Variants in ASPH observed in about 807,000 individuals in gnomAD.
The protein encoded by ASPH is aspartate beta-hydroxylase, also known as aspartyl/asparaginyl beta-hydroxylase.
Under a neutral mutation model 118.4 loss-of-function variants are expected in ASPH, and 100 were observed. The observed-to-expected ratio is 0.84, with a 90% confidence interval of 0.72 to 1.00. ASPH has a LOEUF of 1.00. Among genes scored for constraint, ASPH ranks in the 50% least tolerant of loss-of-function variants. The probability of loss-of-function intolerance (pLI) is 0.00; values close to 1 mark genes in which losing one functional copy is unlikely to be tolerated. For synonymous variants in ASPH, 315 were observed against 325.6 expected (o/e 0.97, Z 0.35); for missense variants, 920 against 919.5 (o/e 1.00, Z -0.01).
At chr8:61,645,044 G>A (rs1380213601) in intron 6 of ASPH, among the ~76,000 whole-genome samples, 1 of 152,092 alleles carries the variant, frequency 6.6e-6, no homozygotes, top group Non-Finnish European at 1.5e-5. Context: ...CAGCTGAAGA[G>A]GCTTTATACC....
In ASPH at chr8:61,683,644, C is replaced by T. The variant is rs192009370; in HGVS notation, c.253+395G>A. The T allele has an allele frequency of 4.4e-4, 69 of 156,870 alleles. 1 individual carries two copies. In the East Asian group the frequency reaches 0.011, roughly 25 times the overall value. 9.7% of individuals were successfully genotyped at this position (156,870 alleles called of 1,614,324 possible). On this transcript the variant is annotated intron_variant, in intron 2 of 24. Transcript: ENST00000379454. The stretch of plus-strand genomic sequence containing the variant: ...AAACCCTCTCTAAGGAAGAGTTTTG[C>T]ATATTGTGTGGTTATGATCCATTAG...
intron 13 of ASPH, among the ~76,000 whole-genome samples, chr8:61,620,418 GTTGA>G (rs33974594): frequency 0.84 from 127,815 of 151,606 alleles, 54,092 homozygotes; most frequent in African/African-American, 0.91. Flanking sequence ...TTTGCAAAGA[GTTGA>G]TTGATTTTAT....
chr8:61,708,608 T>C (rs887885449), intron 1 of ASPH, among the ~76,000 whole-genome samples: 1 of 152,188 alleles, frequency 6.6e-6, no homozygotes, highest in African/African-American at 2.4e-5. Context: ...GACTCTGCAC[T>C]ATGGAATGGT....
At position 61,503,004 on chromosome 8, in the gene ASPH, G is replaced by T. The variant is rs958356003; in HGVS notation, c.*355C>A. The stretch of plus-strand genomic sequence containing the variant: ...CTGCATAGAAAAATTACAAACTAAA[G>T]CAATCCATTCACAGTTTCTACATAT... On this transcript the variant is annotated 3_prime_UTR_variant, in exon 25 of 25. Transcript: ENST00000379454. 5.9e-6 allele frequency: 1 copy of T among 169,500 alleles called. No homozygotes were observed. The allele number at this position is 169,500 out of a possible 1,614,324, so 10.5% of individuals were successfully genotyped here.
rs7016371 is a variant in ASPH, at chr8:61,702,357, T to C, written c.103+11912A>G. Among the ~76,000 whole-genome samples, 907 of 148,180 alleles carry C rather than the reference T, an allele frequency of 6.1e-3. 9 individuals are homozygous for C. Among genetic ancestry groups the C allele is most frequent in the African/African-American group, 0.021 (858 of 40,052 alleles). On this transcript the variant is annotated intron_variant, in intron 1 of 24. Coordinates refer to ENST00000379454, the MANE Select transcript of ASPH (RefSeq NM_004318.4). ...TGGAGTGCAGTGGTGCAATCTTGGC[T>C]CACTGCAAGCTCCGCCTCCCGGGTT...
chr8:61,558,919 C>T (rs2131359712), intron 18 of ASPH, among the ~76,000 whole-genome samples: 1 of 152,288 alleles, frequency 6.6e-6, no homozygotes, highest in African/African-American at 2.4e-5. Flanking sequence ...TCATCCTCCT[C>T]CTCTTCCTCG....
At position 61,714,327 on chromosome 8, in the gene ASPH, G is replaced by A. The variant is rs916956682; in HGVS notation, c.45C>T (p.Ser15=). The A allele has an allele frequency of 5.9e-6, 9 of 1,518,514 alleles. No individual in the cohort carries two copies. Among genetic ancestry groups the A allele is most frequent in the Non-Finnish European group, 7.9e-6 (9 of 1,133,974 alleles). The allele number at this position is 1,518,514 out of a possible 1,614,324, so 94.1% of individuals were successfully genotyped here. Residue 15 remains serine, a synonymous_variant, in exon 1 of 25, where the codon AGC becomes AGT. Transcript: ENST00000379454. ...KNAKSSGNSS[S]SGSGSGSTSA... is the part of the protein sequence containing the mutation. ...TCGTGCTACCGCTGCCGGAGCCGCT[G>A]CTGCTGCTGTTGCCGCTGCTCTTGG...
At chr8:61,653,757 GTGC>G (rs1479621306) in intron 3 of ASPH, 97 bp from the exon 4 acceptor site, 11 of 1,213,588 alleles carry the variant, frequency 9.1e-6, no homozygotes, top group African/African-American at 6.1e-5. Context: ...TTAATTAATA[GTGC>G]TGCTAATTAA....
intron 14 of ASPH, among the ~76,000 whole-genome samples, chr8:61,599,327 G>A (rs548135046): frequency 4.9e-4 from 75 of 152,024 alleles, no homozygotes; most frequent in Non-Finnish European, 9.1e-4. Context: ...TTGTGGGGTC[G>A]GGGGAGTGAG....
chr8:61,569,989 C>A (rs1832966896), intron 16 of ASPH, among the ~76,000 whole-genome samples: 1 of 140,992 alleles, frequency 7.1e-6, no homozygotes, highest in African/African-American at 3.1e-5. Context: ...GATAACTTTG[C>A]AAAACACAGA....
At chr8:61,620,565 T>A (rs1850570718) in intron 13 of ASPH, among the ~76,000 whole-genome samples, 2 of 152,100 alleles carry the variant, frequency 1.3e-5, no homozygotes, top group Non-Finnish European at 2.9e-5. Context: ...CTCCTTATTA[T>A]AAAGTTAGGT....
intron 14 of ASPH, among the ~76,000 whole-genome samples, chr8:61,599,279 T>G (rs993658616): frequency 3.3e-5 from 5 of 151,476 alleles, no homozygotes; most frequent in Non-Finnish European, 7.4e-5. Flanking sequence ...ATGAGAACAC[T>G]TGGACACAGG....
chr8:61,633,619 G>T, intron 13 of ASPH, 64 bp downstream of exon 13: 1 of 1,323,084 alleles, frequency 7.6e-7, no homozygotes, highest in South Asian at 1.3e-5. Flanking sequence ...TAAAGCTATT[G>T]GTAATATTAA....
At chr8:61,517,429 C>T (rs1811316296) in intron 24 of ASPH, 99 bp downstream of exon 24, 8 of 1,492,668 alleles carry the variant, frequency 5.4e-6, no homozygotes, top group Non-Finnish European at 6.4e-6. Context: ...TCTACTTCAG[C>T]TACAAAAGAA....
intron 12 of ASPH, among the ~76,000 whole-genome samples, chr8:61,637,646 G>A (rs1444744463): frequency 3.3e-5 from 5 of 152,148 alleles, no homozygotes; most frequent in South Asian, 4.1e-4. Context: ...CCCCTCAGGG[G>A]TGGTAACCTG....
At position 61,584,002 on chromosome 8, in the gene ASPH, T is replaced by C; in HGVS notation, c.1004A>G (p.Asn335Ser). Residue 335 changes from asparagine (N) to serine (S), a missense_variant, in exon 15 of 25, where the codon AAT becomes AGT. Coordinates refer to ENST00000379454, the MANE Select transcript of ASPH (RefSeq NM_004318.4). ...KVKKKKPKLL[N>S]KFDKTIKAEL... ...AGCTTTAATAGTCTTATCAAATTTATTTAAAAGTTTAGGCTTCTTTTTCTT... is the reference window on the plus strand; with the variant it reads ...AGCTTTAATAGTCTTATCAAATTTACTTAAAAGTTTAGGCTTCTTTTTCTT... 2 of 1,571,648 alleles carry C rather than the reference T, an allele frequency of 1.3e-6. No homozygotes were observed. The highest frequency in any genetic ancestry group is 1.4e-5 in the African/African-American group (1 of 72,938).
chr8:61,612,623 C>T (rs1414009304), intron 14 of ASPH, among the ~76,000 whole-genome samples: 4 of 152,218 alleles, frequency 2.6e-5, no homozygotes, highest in Middle Eastern at 3.4e-3. Context: ...CCACCCACCT[C>T]GGCCTCCCAA....
chr8:61,621,062 A>G (rs1850735587), intron 13 of ASPH, among the ~76,000 whole-genome samples: 1 of 152,176 alleles, frequency 6.6e-6, no homozygotes, highest in Non-Finnish European at 1.5e-5. Context: ...TATGCCCAGA[A>G]ACAAGGGCCA....
At chr8:61,578,252 G>A (rs1836022502) in intron 15 of ASPH, 3 of 1,583,630 alleles carry the variant, frequency 1.9e-6, no homozygotes, top group South Asian at 2.2e-5. Flanking sequence ...AGTCCTACAA[G>A]GTGTCCACCT....
Sources: gnomAD v4.1 joint callset for allele counts (sites outside exome capture counted in the v4.1 genomes callset) on GRCh38, gnomAD v4.1.1 for gene constraint, MANE v1.5 for transcripts, NCBI Gene and HGNC (gene_info 2026-07-23, HGNC 2026-07-21) for gene names.